The following PREX2 variants were observed in gnomAD, a reference collection of about 807,000 sequenced individuals.
PREX2 encodes the protein phosphatidylinositol 3,4,5-trisphosphate-dependent Rac exchanger 2 protein.
PREX2 carries 107 observed loss-of-function variants against 203.2 expected under a neutral mutation model. The observed-to-expected ratio is 0.53, with a 90% CI of 0.45 to 0.62. The LOEUF (loss-of-function observed/expected upper bound fraction) is 0.62, where lower values mean the gene tolerates loss of function less well. Ranked by LOEUF, PREX2 falls within the 20% of genes least tolerant of loss-of-function variation. The pLI is 0.00. For missense variants in PREX2, 1,777 were observed against 1,955.9 expected, an observed-to-expected ratio of 0.91 and a Z score of 1.72; for synonymous variants, 672 against 663.6, an observed-to-expected ratio of 1.01 and a Z score of -0.19.
rs1330390211 is a variant in PREX2 at position 68,080,510 on chromosome 8, G to A, written c.1710G>A (p.Glu570=). Residue 570 remains glutamate (E), a synonymous_variant, in exon 16 of 40, where the codon GAG becomes GAA. Coordinates refer to ENST00000288368, the MANE Select transcript of PREX2 (RefSeq NM_024870.4). ...LFRFFSDEEM[E]GSNMKHRLMK... ...GTTTTTTTTCGGATGAGGAAATGGAGGGATCAAATATGAAACATCGACTTA... is the reference window on the plus strand; with the variant it reads ...GTTTTTTTTCGGATGAGGAAATGGAAGGATCAAATATGAAACATCGACTTA... The A allele has an allele frequency of 6.2e-7, 1 of 1,612,322 alleles. No homozygotes were observed. The highest frequency in any genetic ancestry group is 8.5e-7 in the Non-Finnish European group (1 of 1,178,820).
intron 1 of PREX2, among the ~76,000 whole-genome samples, chr8:67,990,744 C>T (rs1176722301): frequency 1.3e-5 from 2 of 152,114 alleles, no homozygotes; most frequent in South Asian, 4.1e-4. Context: ...AACTCTTGAC[C>T]TCAGGTGATC....
At chr8:68,007,545 G>A (rs1282296232) in intron 1 of PREX2, among the ~76,000 whole-genome samples, 2 of 124,532 alleles carry the variant, frequency 1.6e-5, no homozygotes, top group African/African-American at 4.6e-5. Context: ...AAGTATATTT[G>A]GTTATAAGAA....
At chr8:68,140,828 C>G (rs10504419) in intron 33 of PREX2, among the ~76,000 whole-genome samples, 17,081 of 152,166 alleles carry the variant, frequency 0.11, 1,248 homozygotes, top group East Asian at 0.2. Flanking sequence ...TACTTTATTA[C>G]TTTGCATTCT....
At chr8:67,970,218 G>A (rs1278968301) in intron 1 of PREX2, among the ~76,000 whole-genome samples, 2 of 152,070 alleles carry the variant, frequency 1.3e-5, no homozygotes, top group Non-Finnish European at 2.9e-5. Flanking sequence ...TAAACAGATC[G>A]AAATCTATTC....
intron 1 of PREX2, among the ~76,000 whole-genome samples, chr8:68,011,007 C>T (rs948367212): frequency 3.3e-5 from 5 of 152,116 alleles, no homozygotes; most frequent in African/African-American, 9.7e-5. Context: ...CAAAAAGTTA[C>T]TTTATTAAAA....
chr8:68,075,478 G>A (rs2053142), intron 14 of PREX2, among the ~76,000 whole-genome samples: 79,428 of 151,760 alleles, frequency 0.52, 20,810 homozygotes, highest in South Asian at 0.56. Context: ...ATCACCCCCA[G>A]GAAGCCTCGC....
intron 37 of PREX2, among the ~76,000 whole-genome samples, chr8:68,194,628 T>TA (rs58657916): frequency 0.02 from 2,833 of 139,400 alleles, 38 homozygotes; most frequent in African/African-American, 0.038. Context: ...TCATCTCTAC[T>TA]AAAAAAAAAA....
At chr8:68,111,730 A>G (rs912209428) in intron 25 of PREX2, among the ~76,000 whole-genome samples, 4 of 152,196 alleles carry the variant, frequency 2.6e-5, no homozygotes, top group African/African-American at 9.6e-5. Flanking sequence ...TGTGCAATAT[A>G]ATCCCTGTAA....
intron 37 of PREX2, among the ~76,000 whole-genome samples, chr8:68,211,454 T>G (rs1812740984): frequency 1.3e-5 from 2 of 152,178 alleles, no homozygotes; most frequent in Non-Finnish European, 1.5e-5. Context: ...TTCCATAAGT[T>G]TTTCCAAATA....
At chr8:68,121,083 T>G (rs1221205957) in intron 30 of PREX2, 34 bp downstream of exon 30, 1 of 1,605,848 alleles carries the variant, frequency 6.2e-7, no homozygotes, top group African/African-American at 1.3e-5. Flanking sequence ...TTGCATGATA[T>G]TAGCAATAAT....
intron 1 of PREX2, among the ~76,000 whole-genome samples, chr8:68,009,029 T>C (rs1217645351): frequency 1.3e-5 from 2 of 152,208 alleles, no homozygotes; most frequent in Non-Finnish European, 2.9e-5. Context: ...GAAACCAATT[T>C]ATAAATCTTT....
chr8:67,982,969 C>A (rs972113416), intron 1 of PREX2, among the ~76,000 whole-genome samples: 1 of 152,192 alleles, frequency 6.6e-6, no homozygotes. Flanking sequence ...ACCTCAATTT[C>A]GGTATGCAGG....
intron 35 of PREX2, among the ~76,000 whole-genome samples, chr8:68,160,789 GTTT>G (rs1177624491): frequency 6.6e-6 from 1 of 152,038 alleles, no homozygotes; most frequent in Non-Finnish European, 1.5e-5. Flanking sequence ...AGAAGACTTA[GTTT>G]TTCAAAAAAT....
intron 34 of PREX2, among the ~76,000 whole-genome samples, chr8:68,151,595 G>A (rs1289699965): frequency 6.6e-6 from 1 of 152,024 alleles, no homozygotes; most frequent in African/African-American, 2.4e-5. Flanking sequence ...ATCATATACA[G>A]GTCTTTGAAT....
At chr8:68,161,784 T>G (rs570263020) in intron 35 of PREX2, among the ~76,000 whole-genome samples, 82 of 152,326 alleles carry the variant, frequency 5.4e-4, no homozygotes, top group African/African-American at 1.9e-3. Context: ...TTCTCTTATA[T>G]CTGGTAGTTT....
chr8:68,098,232 A>G (rs1035577555), intron 22 of PREX2, among the ~76,000 whole-genome samples: 6 of 152,202 alleles, frequency 3.9e-5, no homozygotes, highest in African/African-American at 1.2e-4. Flanking sequence ...CACAAGTAAG[A>G]AAAATGAGAT....
intron 34 of PREX2, among the ~76,000 whole-genome samples, chr8:68,148,054 C>G (rs2129613708): frequency 6.6e-6 from 1 of 152,120 alleles, no homozygotes; most frequent in Middle Eastern, 3.4e-3. Context: ...AGAGACAAGC[C>G]CAGGCAACAT....
intron 1 of PREX2, among the ~76,000 whole-genome samples, chr8:67,992,134 C>G (rs1434541363): frequency 1.3e-5 from 2 of 152,118 alleles, no homozygotes; most frequent in Non-Finnish European, 2.9e-5. Flanking sequence ...TACACTTGCT[C>G]TTTGTCTAGT....
In PREX2 at chr8:68,030,634, G is replaced by A. The variant is rs1242464715; in HGVS notation, c.681G>A (p.Trp227Ter). 1 of 1,613,572 alleles carries A rather than the reference G, an allele frequency of 6.2e-7. No individual in the cohort carries two copies. The highest frequency in any genetic ancestry group is 1.3e-5 in the African/African-American group (1 of 74,998). ...AGAAGTTAGAAGTTTTAGAGGAATGGCAGTCTCACATTGAAGGCTGGGAGG... is the reference window on the plus strand; with the variant it reads ...AGAAGTTAGAAGTTTTAGAGGAATGACAGTCTCACATTGAAGGCTGGGAGG... ...QMEKLEVLEEWQSHIEGWEGS... is the reference protein window; with the variant it reads ...QMEKLEVLEE Residue 227 changes from tryptophan to a stop codon, truncating the protein, a stop_gained, in exon 6 of 40, where the codon TGG becomes TGA. Coordinates refer to ENST00000288368, the MANE Select transcript of PREX2 (RefSeq NM_024870.4). LOFTEE classifies it high-confidence loss of function.
Sources: allele counts gnomAD v4.1 joint callset (sites outside exome capture counted in the v4.1 genomes callset), GRCh38; gene constraint gnomAD v4.1.1; transcripts MANE v1.5; gene names NCBI Gene and HGNC (gene_info 2026-07-23, HGNC 2026-07-21).